The following STAG1 variants were observed in gnomAD, a reference collection of about 807,000 sequenced individuals.
STAG1 encodes STAG1 cohesin complex component, also known as cohesin subunit SA-1.
STAG1 carries 26 observed loss-of-function variants against 170.9 expected under a neutral mutation model. That is an observed-to-expected ratio of 0.15 (90% CI 0.11 to 0.21). The LOEUF is 0.21. Among genes scored for constraint, STAG1 ranks in the 10% least tolerant of loss-of-function variants. The pLI, the probability that STAG1 is intolerant of heterozygous loss-of-function variation, is 1.00. For synonymous variants in STAG1, 514 were observed against 497.7 expected, an observed-to-expected ratio of 1.03 and a Z score of -0.44; for missense variants, 964 against 1,509.5, an observed-to-expected ratio of 0.64 and a Z score of 5.99.
chr3:136,674,127 G>A (rs557616136), intron 1 of STAG1, among the ~76,000 whole-genome samples: 1 of 112,098 alleles, frequency 8.9e-6, no homozygotes, highest in South Asian at 3.5e-4. Context: ...GGGAGGGAGG[G>A]AGGGAGGGAA....
chr3:136,394,700 C>T (rs990640696), intron 22 of STAG1, among the ~76,000 whole-genome samples: 3 of 151,804 alleles, frequency 2.0e-5, no homozygotes, highest in Non-Finnish European at 2.9e-5. Context: ...GACAGGCAAT[C>T]CCAGCAATTT....
At chr3:136,739,357 A>G (rs2107949004) in intron 1 of STAG1, among the ~76,000 whole-genome samples, 1 of 152,104 alleles carries the variant, frequency 6.6e-6, no homozygotes, top group East Asian at 1.9e-4. Context: ...TCTCTACGAA[A>G]AAACGTATTT....
chr3:136,383,067 T>C (rs1253599718), intron 22 of STAG1, among the ~76,000 whole-genome samples: 2 of 152,184 alleles, frequency 1.3e-5, no homozygotes, highest in Non-Finnish European at 2.9e-5. Flanking sequence ...GGAATTATGA[T>C]TCCCAAGACT....
At chr3:136,690,742 A>G (rs1942693782) in intron 1 of STAG1, among the ~76,000 whole-genome samples, 1 of 152,140 alleles carries the variant, frequency 6.6e-6, no homozygotes, top group Non-Finnish European at 1.5e-5. Context: ...AGAATTTCAT[A>G]AGAGGTAAGA....
intron 22 of STAG1, among the ~76,000 whole-genome samples, chr3:136,381,081 T>C (rs1367855820): frequency 7.1e-6 from 1 of 141,030 alleles, no homozygotes; most frequent in Non-Finnish European, 1.5e-5. Context: ...CAGTTAGTAA[T>C]AGTTAAATTT....
At chr3:136,645,066 G>A (rs1165113915) in intron 1 of STAG1, among the ~76,000 whole-genome samples, 1 of 152,136 alleles carries the variant, frequency 6.6e-6, no homozygotes, top group Non-Finnish European at 1.5e-5. Context: ...GCTCTCCAGA[G>A]AAACAGCAAC....
chr3:136,406,671 A>G (rs868823624), intron 21 of STAG1, among the ~76,000 whole-genome samples: 2 of 152,358 alleles, frequency 1.3e-5, no homozygotes, highest in Admixed American at 6.5e-5. Context: ...ACGATTGAGT[A>G]AAGAGAAAAG....
intron 1 of STAG1, among the ~76,000 whole-genome samples, chr3:136,713,826 C>G (rs757114485): frequency 6.6e-6 from 1 of 151,842 alleles, no homozygotes; most frequent in African/African-American, 2.4e-5. Flanking sequence ...AATTTAAGAC[C>G]GCCCTAGCCA....
intron 22 of STAG1, among the ~76,000 whole-genome samples, chr3:136,384,536 AG>A (rs1459184605): frequency 6.6e-6 from 1 of 152,146 alleles, no homozygotes; most frequent in African/African-American, 2.4e-5. Context: ...TGGGAGGCCA[AG>A]GTGGGTGGAT....
In STAG1 at chr3:136,406,050, G is replaced by T. The variant is rs377708850; in HGVS notation, c.2197-7221C>A. Among the ~76,000 whole-genome samples the T allele has an allele frequency of 3.9e-5, 6 of 152,200 alleles. No individual in the cohort carries two copies. The East Asian group carries it at 9.6e-4, about 24-fold the overall frequency. On this transcript the variant is annotated intron_variant, in intron 21 of 33. Transcript: ENST00000383202. ...TTTACTCTGGGGCATTTACTTAATA[G>T]AAATGAGTACTTATGAATTCAGACA...
chr3:136,525,315 T>A (rs1934950323), intron 6 of STAG1, among the ~76,000 whole-genome samples: 1 of 152,202 alleles, frequency 6.6e-6, no homozygotes, highest in African/African-American at 2.4e-5. Flanking sequence ...CTTCCTGGTT[T>A]AGTCTTGGGA....
chr3:136,737,065 A>C, intron 1 of STAG1: 1 of 1,232,254 alleles, frequency 8.1e-7, no homozygotes, highest in Non-Finnish European at 1.2e-6. Flanking sequence ...AGAACCTCAA[A>C]TGGGGTGAAA....
intron 1 of STAG1, among the ~76,000 whole-genome samples, chr3:136,747,804 C>G (rs1276448136): frequency 1.4e-5 from 2 of 147,080 alleles, no homozygotes; most frequent in African/African-American, 5.0e-5. Context: ...GAGACGGAGT[C>G]TCACTCTGTC....
At chr3:136,354,592 G>A (rs1381914674) in intron 28 of STAG1, among the ~76,000 whole-genome samples, 1 of 151,588 alleles carries the variant, frequency 6.6e-6, no homozygotes, top group Non-Finnish European at 1.5e-5. Context: ...GTGAGCCACT[G>A]CACTCGGCCA....
chr3:136,627,798 T>C (rs541887658), intron 2 of STAG1, among the ~76,000 whole-genome samples: 24 of 152,174 alleles, frequency 1.6e-4, no homozygotes, highest in Non-Finnish European at 3.5e-4. Flanking sequence ...AAATCTTGTT[T>C]AAAAAATGAT....
At chr3:136,679,887 G>A (rs1301308501) in intron 1 of STAG1, among the ~76,000 whole-genome samples, 1 of 152,162 alleles carries the variant, frequency 6.6e-6, no homozygotes, top group East Asian at 1.9e-4. Context: ...GAGCGACAGA[G>A]TGAGACTCTG....
intron 16 of STAG1, among the ~76,000 whole-genome samples, chr3:136,431,174 G>A (rs922631320): frequency 1.3e-5 from 2 of 151,948 alleles, no homozygotes; most frequent in Non-Finnish European, 2.9e-5. Context: ...AAAGTGACAG[G>A]ACTGCAGGAG....
intron 1 of STAG1, among the ~76,000 whole-genome samples, chr3:136,720,875 A>G (rs1402600822): frequency 6.6e-6 from 1 of 152,220 alleles, no homozygotes; most frequent in African/African-American, 2.4e-5. Context: ...TTCATATTTC[A>G]TAGTTTACAG....
rs1170123481 is a variant in STAG1 at position 136,438,214 on chromosome 3, T to TTG, written c.1547-4556_1547-4555insCA. On this transcript the variant is annotated intron_variant, in intron 15 of 33. Coordinates refer to ENST00000383202, the MANE Select transcript of STAG1 (RefSeq NM_005862.3). ...GCTCTTTTATGACAATTTCCATATC[T>TTG]GGTCCCTTATCGTTTAGTTTCTTTT... is the stretch of plus-strand genomic sequence containing the variant. 2.0e-5 allele frequency among the ~76,000 whole-genome samples: 3 copies of TTG among 151,206 alleles called. No individual in the cohort carries two copies. In the Admixed American group the frequency reaches 2.0e-4, roughly 10 times the overall value.
Sources: allele counts gnomAD v4.1 joint callset (sites outside exome capture counted in the v4.1 genomes callset), GRCh38; gene constraint gnomAD v4.1.1; transcripts MANE v1.5; gene names NCBI Gene and HGNC (gene_info 2026-07-23, HGNC 2026-07-21).